The following ATP5F1C variants were observed in gnomAD, a reference collection of about 807,000 sequenced individuals.
ATP5F1C encodes the protein ATP synthase F1 subunit gamma, also known as ATP synthase F(1) complex subunit gamma, mitochondrial.
In ATP5F1C, 22 loss-of-function variants were observed where a neutral mutation model predicts 37.4. The ratio of observed to expected loss-of-function variants is 0.59; its 90% confidence interval spans 0.42 to 0.84. The LOEUF (loss-of-function observed/expected upper bound fraction) is 0.84, where lower values mean the gene tolerates loss of function less well. Ranked by LOEUF, ATP5F1C falls within the 40% of genes least tolerant of loss-of-function variation. ATP5F1C has a pLI of 0.00. For missense variants in ATP5F1C, 286 were observed against 362.4 expected, an observed-to-expected ratio of 0.79 and a Z score of 1.71; for synonymous variants, 121 against 128.0, an observed-to-expected ratio of 0.95 and a Z score of 0.37.
At chr10:7,802,973 C>T in intron 8 of ATP5F1C, 119 bp downstream of exon 8, 1 of 744,162 alleles carries the variant, frequency 1.3e-6, no homozygotes, top group Non-Finnish European at 2.2e-6. Flanking sequence ...ATTGCTGAAA[C>T]TTGCATCCTA....
intron 2 of ATP5F1C, 120 bp from the exon 3 acceptor site, chr10:7,796,927 G>A (rs1564331743): frequency 8.8e-7 from 1 of 1,138,760 alleles, no homozygotes; most frequent in Non-Finnish European, 1.2e-6. Context: ...GCATCGTGCT[G>A]TTTATTGTTT....
At position 7,788,213 on chromosome 10, in the gene ATP5F1C, C is replaced by G; in HGVS notation, c.6C>G (p.Phe2Leu). Reference protein sequence around the residue: MFSRAGVAGLSA... With the variant: MLSRAGVAGLSA... ...TCAGCAGGGCTGTGGCTACCATGTT[C>G]TCTCGCGCGGGTGTCGCTGGGCTGT... is the stretch of plus-strand genomic sequence containing the variant. The change falls in exon 1 of 10, where the codon TTC becomes TTG. Residue 2 changes from phenylalanine (F) to leucine (L), a missense_variant. By Grantham distance (22) the Phe-to-Leu change is conservative (BLOSUM62 0). Coordinates refer to ENST00000356708, the MANE Select transcript of ATP5F1C (RefSeq NM_001001973.3). 1 of 1,613,514 alleles carries G rather than the reference C, an allele frequency of 6.2e-7. No individual in the cohort carries two copies. The highest frequency in any genetic ancestry group is 8.5e-7 in the Non-Finnish European group (1 of 1,179,930).
chr10:7,799,721 T>G (rs746424638), intron 4 of ATP5F1C, 51 bp from the exon 5 acceptor site: 1 of 1,598,362 alleles, frequency 6.3e-7, no homozygotes, highest in Non-Finnish European at 8.5e-7. Context: ...CTGTGCTCTT[T>G]CAGCAGAAAT....
At chr10:7,806,872 A>G (rs1044105178) in intron 8 of ATP5F1C, 102 bp from the exon 9 acceptor site, 9 of 984,064 alleles carry the variant, frequency 9.1e-6, no homozygotes, top group African/African-American at 8.1e-5. Flanking sequence ...AAGTTTAACA[A>G]TTGACTTTTT....
At chr10:7,793,135 C>T (rs1836188117) in intron 1 of ATP5F1C, among the ~76,000 whole-genome samples, 1 of 152,150 alleles carries the variant, frequency 6.6e-6, no homozygotes, top group African/African-American at 2.4e-5. Flanking sequence ...TTTTTTGAGA[C>T]AGAGTCTTGC....
intron 3 of ATP5F1C, among the ~76,000 whole-genome samples, chr10:7,797,942 A>G (rs1365911111): frequency 6.6e-6 from 1 of 152,194 alleles, no homozygotes; most frequent in African/African-American, 2.4e-5. Context: ...TTGTTTGATT[A>G]TGAATTCATC....
chr10:7,796,313 A>G, intron 2 of ATP5F1C, 158 bp downstream of exon 2: 1 of 576,976 alleles, frequency 1.7e-6, no homozygotes, highest in Non-Finnish European at 2.9e-6. Context: ...ACTTGTTCTG[A>G]AAAGACCAGT....
At position 7,802,795 on chromosome 10, in the gene ATP5F1C, T is replaced by A. The variant is rs750684027; in HGVS notation, c.831T>A (p.Arg277=). ...ACAAATTGACATTGACATTCAACCG[T>A]ACCCGCCAAGCTGTCATCACAAAAG... ...MIDKLTLTFN[R]TRQAVITKEL... Residue 277 remains arginine, a synonymous_variant, in exon 8 of 10, where the codon CGT becomes CGA. Transcript: ENST00000356708. 4.3e-6 allele frequency: 7 copies of A among 1,614,054 alleles called. No individual in the cohort carries two copies. Among genetic ancestry groups the A allele is most frequent in the Non-Finnish European group, 5.9e-6 (7 of 1,179,986 alleles).
Position 7,802,874 on chromosome 10 carries a change from C to A in ATP5F1C, c.890+20C>A. 1 of 1,599,644 alleles carries A rather than the reference C, an allele frequency of 6.3e-7. No individual in the cohort carries two copies. The highest frequency in any genetic ancestry group is 1.1e-5 in the South Asian group (1 of 88,198). ...AGCTCTGTGAGTAATTGTAGATTGT[C>A]GCCTTCAGAGAATTTTTTTTCCTCT... is the stretch of plus-strand genomic sequence containing the variant. On this transcript the variant is annotated intron_variant, in intron 8 of 9. Transcript: ENST00000356708.
intron 1 of ATP5F1C, among the ~76,000 whole-genome samples, chr10:7,792,636 C>G (rs1467944507): frequency 1.3e-5 from 2 of 152,168 alleles, no homozygotes; most frequent in Non-Finnish European, 2.9e-5. Context: ...CCTTCTCTCC[C>G]TTAGCAGTAT....
At chr10:7,802,498 C>T (rs1029146908) in intron 7 of ATP5F1C, 73 bp downstream of exon 7, 21 of 1,519,106 alleles carry the variant, frequency 1.4e-5, no homozygotes, top group East Asian at 2.3e-5. Context: ...GAGAGGAGTC[C>T]GTGGCCGAGA....
At chr10:7,798,326 TC>T (rs200517959) in intron 3 of ATP5F1C, among the ~76,000 whole-genome samples, 7,058 of 151,914 alleles carry the variant, frequency 0.046, 299 homozygotes, top group Admixed American at 0.11. Context: ...AACCTCCCCC[TC>T]CCAGGCTCAA....
chr10:7,804,442 G>A (rs544588344), intron 8 of ATP5F1C, among the ~76,000 whole-genome samples: 1 of 152,182 alleles, frequency 6.6e-6, no homozygotes, highest in South Asian at 2.1e-4. Flanking sequence ...TCTTTCTCGC[G>A]GCCAGGGAGT....
At chr10:7,802,206 T>C in intron 6 of ATP5F1C, 64 bp from the exon 7 acceptor site, 1 of 1,500,138 alleles carries the variant, frequency 6.7e-7, no homozygotes, top group Non-Finnish European at 8.9e-7. Flanking sequence ...ACTGAAAAGC[T>C]GTTTTTGATG....
At chr10:7,803,668 CAA>C (rs1046129636) in intron 8 of ATP5F1C, among the ~76,000 whole-genome samples, 1 of 152,012 alleles carries the variant, frequency 6.6e-6, no homozygotes, top group African/African-American at 2.4e-5. Flanking sequence ...GAATTTTATT[CAA>C]AAAGTTATTA....
intron 1 of ATP5F1C, among the ~76,000 whole-genome samples, chr10:7,789,969 C>T (rs1836136371): frequency 6.6e-6 from 1 of 152,126 alleles, no homozygotes; most frequent in Non-Finnish European, 1.5e-5. Flanking sequence ...GACCTTAATC[C>T]CTTTGGAATA....
At chr10:7,796,207 C>T in intron 2 of ATP5F1C, 52 bp downstream of exon 2, 2 of 1,447,146 alleles carry the variant, frequency 1.4e-6, no homozygotes, top group Non-Finnish European at 1.9e-6. Context: ...TAAATTTTGA[C>T]AAATACAAAT....
intron 4 of ATP5F1C, 141 bp downstream of exon 4, chr10:7,799,335 G>T: frequency 1.4e-6 from 1 of 711,382 alleles, no homozygotes; most frequent in South Asian, 2.0e-5. Context: ...TTCACAAGGG[G>T]GTGTTTGTTT....
chr10:7,799,757 T>C lies in ATP5F1C; in HGVS notation c.429-15T>C, dbSNP rs762114747. 1 of 1,610,502 alleles carries C rather than the reference T, an allele frequency of 6.2e-7. No homozygotes were observed. The highest frequency in any genetic ancestry group is 8.5e-7 in the Non-Finnish European group (1 of 1,178,822). The stretch of plus-strand genomic sequence containing the variant: ...CTTATTAAACTAGCTATGTGAGCTC[T>C]TGCTTTTCTTATAGGACTCATTCTG... On this transcript the variant is annotated splice_polypyrimidine_tract_variant and intron_variant, in intron 4 of 9. Transcript: ENST00000356708.
Sources: allele counts gnomAD v4.1 joint callset (sites outside exome capture counted in the v4.1 genomes callset), GRCh38; gene constraint gnomAD v4.1.1; transcripts MANE v1.5; gene names NCBI Gene and HGNC (gene_info 2026-07-23, HGNC 2026-07-21).